EGLN3: variants seen among roughly 807,000 people sequenced by gnomAD.
The protein encoded by EGLN3 is prolyl hydroxylase EGLN3.
A neutral mutation model predicts 26.0 loss-of-function variants in EGLN3; 15 were observed. The ratio of observed to expected loss-of-function variants is 0.58; its 90% CI spans 0.39 to 0.89. The LOEUF (loss-of-function observed/expected upper bound fraction) is 0.89. EGLN3 is among the 40% of genes least tolerant of loss of function. The probability of loss-of-function intolerance (pLI) is 0.00; values close to 1 mark genes in which losing one functional copy is unlikely to be tolerated. For synonymous variants in EGLN3, 147 were observed against 127.2 expected (o/e 1.16, Z -1.05); for missense variants, 238 against 311.6 (o/e 0.76, Z 1.78).
intron 1 of EGLN3, among the ~76,000 whole-genome samples, chr14:33,945,269 T>C (rs1273812683): frequency 6.6e-6 from 1 of 152,216 alleles, no homozygotes; most frequent in Non-Finnish European, 1.5e-5. Flanking sequence ...CACAGGTAGA[T>C]TTCTAAGATT....
chr14:33,950,766 T>C lies in EGLN3; in HGVS notation c.-14A>G. 1 of 1,590,974 alleles carries C rather than the reference T, an allele frequency of 6.3e-7. No homozygotes were observed. The highest frequency in any genetic ancestry group is 8.6e-7 in the Non-Finnish European group (1 of 1,164,082). ...TCCCAGGGGCATCTCGCCCGCAGAA[T>C]CGAGGTCCGGGATCCCCAGCGTGCA... On this transcript the variant is annotated 5_prime_UTR_variant, in exon 1 of 5. Transcript: ENST00000250457.
chr14:33,925,874 C>A lies in EGLN3; in HGVS notation c.*17G>T, dbSNP rs376831403. 1 of 1,613,904 alleles carries A rather than the reference C, an allele frequency of 6.2e-7. No homozygotes were observed. The highest frequency in any genetic ancestry group is 8.5e-7 in the Non-Finnish European group (1 of 1,179,844). On this transcript the variant is annotated 3_prime_UTR_variant, in exon 5 of 5. Coordinates refer to ENST00000250457, the MANE Select transcript of EGLN3 (RefSeq NM_022073.4). ...CCGTTACTAAAATGAACAAGGCCAGCAGATTTCAGAGCACGGTCAGTCTTC... is the reference window on the plus strand; with the variant it reads ...CCGTTACTAAAATGAACAAGGCCAGAAGATTTCAGAGCACGGTCAGTCTTC...
chr14:33,950,160 T>C, intron 1 of EGLN3: 1 of 596,366 alleles, frequency 1.7e-6, no homozygotes, highest in Non-Finnish European at 3.0e-6. Flanking sequence ...AGAGCCAATA[T>C]TTCAAAGTCA....
At chr14:33,934,998 C>T (rs931150838) in intron 1 of EGLN3, among the ~76,000 whole-genome samples, 1 of 152,148 alleles carries the variant, frequency 6.6e-6, no homozygotes, top group African/African-American at 2.4e-5. Flanking sequence ...ATGCTAGATC[C>T]CCTCCAGCTG....
At chr14:33,939,149 T>C (rs147200859) in intron 1 of EGLN3, among the ~76,000 whole-genome samples, 2 of 152,010 alleles carry the variant, frequency 1.3e-5, no homozygotes, top group African/African-American at 4.8e-5. Context: ...TAATGGATAA[T>C]ATATGAAAAA....
At chr14:33,943,277 C>A (rs1037371845) in intron 1 of EGLN3, among the ~76,000 whole-genome samples, 1 of 152,188 alleles carries the variant, frequency 6.6e-6, no homozygotes, top group Non-Finnish European at 1.5e-5. Context: ...CTTAGTCTGG[C>A]ACCATCAAAT....
intron 1 of EGLN3, among the ~76,000 whole-genome samples, chr14:33,932,067 C>T (rs73246236): frequency 6.2e-4 from 95 of 152,186 alleles, no homozygotes; most frequent in African/African-American, 2.2e-3. Context: ...TATAGAAAGC[C>T]AGTTCTTTTC....
At chr14:33,932,128 G>A (rs1440724475) in intron 1 of EGLN3, among the ~76,000 whole-genome samples, 2 of 152,150 alleles carry the variant, frequency 1.3e-5, no homozygotes, top group Non-Finnish European at 2.9e-5. Flanking sequence ...GGATGCAGTA[G>A]GTGCAAGGAA....
At chr14:33,946,292 C>T (rs893247115) in intron 1 of EGLN3, among the ~76,000 whole-genome samples, 1 of 152,148 alleles carries the variant, frequency 6.6e-6, no homozygotes, top group Non-Finnish European at 1.5e-5. Flanking sequence ...AGGAGAATCG[C>T]TTGAACCCAG....
At position 33,925,693 on chromosome 14, in the gene EGLN3, G is replaced by T; in HGVS notation, c.*198C>A. 1.6e-6 allele frequency: 1 copy of T among 623,732 alleles called. No homozygotes were observed. Among genetic ancestry groups the T allele is most frequent in the East Asian group, 2.8e-5 (1 of 35,342 alleles). 38.6% of individuals were successfully genotyped at this position (623,732 alleles called of 1,614,324 possible). A position where few individuals can be genotyped will look rare whatever the true frequency, so the allele number is the denominator to read the frequency against. ...TGGAGTTAGCAAGTAACTTCATCTG[G>T]CAAAGAGAGTATCTGAAGATCAACA... On this transcript the variant is annotated 3_prime_UTR_variant, in exon 5 of 5. Coordinates refer to ENST00000250457, the MANE Select transcript of EGLN3 (RefSeq NM_022073.4).
chr14:33,951,039 G>T lies in EGLN3; in HGVS notation c.-287C>A. ...GCAAGGAGTCGGAGGGCGCCTTTTG[G>T]GGATGGGAAGCCACCACTGCCGCGA... On this transcript the variant is annotated 5_prime_UTR_variant, in exon 1 of 5. Transcript: ENST00000250457. The T allele has an allele frequency of 2.6e-6, 1 of 391,852 alleles. No individual in the cohort carries two copies. The highest frequency in any genetic ancestry group is 4.6e-6 in the Non-Finnish European group (1 of 219,696). The allele number at this position is 391,852 out of a possible 1,614,324, so 24.3% of individuals were successfully genotyped here. A position where few individuals can be genotyped will look rare whatever the true frequency, so the allele number is the denominator to read the frequency against.
intron 1 of EGLN3, among the ~76,000 whole-genome samples, chr14:33,943,316 T>G (rs1274901005): frequency 6.6e-6 from 1 of 152,174 alleles, no homozygotes; most frequent in Non-Finnish European, 1.5e-5. Context: ...ACAATTCCAG[T>G]GCCTCTGGAT....
chr14:33,945,621 A>G (rs2064512450), intron 1 of EGLN3, among the ~76,000 whole-genome samples: 1 of 152,240 alleles, frequency 6.6e-6, no homozygotes. Flanking sequence ...AAAGCAGGGA[A>G]GCAAAGATGG....
In EGLN3 at chr14:33,927,150, C is replaced by CTGAT. The variant is rs1358319829; in HGVS notation, c.615-121_615-118dup. On this transcript the variant is annotated intron_variant, in intron 3 of 4. Coordinates refer to ENST00000250457, the MANE Select transcript of EGLN3 (RefSeq NM_022073.4). ...TTTTCTCTATTATTAGAAGTCTACCCTGATTTATTTATTTATTTATTTATT... is the reference window on the plus strand; with the variant it reads ...TTTTCTCTATTATTAGAAGTCTACCCTGATTGATTTATTTATTTATTTATTTATT... 9.4e-5 allele frequency: 22 copies of CTGAT among 233,172 alleles called. No homozygotes were observed. In the South Asian group the frequency reaches 2.7e-3, roughly 28 times the overall value. The allele number at this position is 233,172 out of a possible 1,614,324, so 14.4% of individuals were successfully genotyped here. A position where few individuals can be genotyped will look rare whatever the true frequency, so the allele number is the denominator to read the frequency against.
chr14:33,930,270 G>A (rs2064393014), intron 2 of EGLN3, among the ~76,000 whole-genome samples: 1 of 152,172 alleles, frequency 6.6e-6, no homozygotes, highest in Admixed American at 6.5e-5. Context: ...CTTAATGGAT[G>A]TATTCCAGTC....
At chr14:33,942,279 G>A (rs1426629053) in intron 1 of EGLN3, among the ~76,000 whole-genome samples, 2 of 148,602 alleles carry the variant, frequency 1.3e-5, no homozygotes, top group Non-Finnish European at 3.0e-5. Flanking sequence ...TACTAAGAAA[G>A]GAAAGAAAGT....
At chr14:33,934,461 C>T (rs1018027163) in intron 1 of EGLN3, among the ~76,000 whole-genome samples, 7 of 57,660 alleles carry the variant, frequency 1.2e-4, no homozygotes, top group Non-Finnish European at 2.7e-4. Context: ...AGTGAGCTGA[C>T]TTCATAAAAA....
At chr14:33,938,249 C>T (rs1314778079) in intron 1 of EGLN3, among the ~76,000 whole-genome samples, 1 of 152,226 alleles carries the variant, frequency 6.6e-6, no homozygotes, top group Non-Finnish European at 1.5e-5. Flanking sequence ...GAATCGCCCT[C>T]CCCCAAGAAG....
chr14:33,936,221 T>C (rs12895153), intron 1 of EGLN3, among the ~76,000 whole-genome samples: 87,839 of 151,512 alleles, frequency 0.58, 25,932 homozygotes, highest in South Asian at 0.76. Flanking sequence ...CAGAGCGAGA[T>C]GCTGTCTCAA....
Sources: allele counts gnomAD v4.1 joint callset (sites outside exome capture counted in the v4.1 genomes callset), GRCh38; gene constraint gnomAD v4.1.1; transcripts MANE v1.5; gene names NCBI Gene and HGNC (gene_info 2026-07-23, HGNC 2026-07-21).